Variants in RASA3 observed in about 807,000 individuals in gnomAD.
RASA3 encodes RAS p21 protein activator 3.
Under a neutral mutation model 110.0 loss-of-function variants are expected in RASA3, and 73 were observed. The ratio of observed to expected loss-of-function variants is 0.66; its 90% CI spans 0.55 to 0.81. RASA3 has a LOEUF of 0.81. Ranked by LOEUF, RASA3 falls within the 30% of genes least tolerant of loss-of-function variation. The probability of loss-of-function intolerance (pLI) is 0.00; values close to 1 mark genes in which losing one functional copy is unlikely to be tolerated. For synonymous variants in RASA3, 500 were observed against 451.4 expected, an observed-to-expected ratio of 1.11 and a Z score of -1.37; for missense variants, 976 against 1,113.2, an observed-to-expected ratio of 0.88 and a Z score of 1.75.
rs2079906549 is a variant in RASA3, at chr13:114,093,144, G to T, written c.56-19307C>A. Among the ~76,000 whole-genome samples, 3 of 152,270 alleles carry T rather than the reference G, an allele frequency of 2.0e-5. 1 individual carries two copies. The Middle Eastern group carries it at 0.01, about 518-fold the overall frequency. On this transcript the variant is annotated intron_variant, in intron 1 of 23. Transcript: ENST00000334062. Reference sequence around the variant, plus strand: ...TCTTTCATTCTTCTTACAAAAGATAGAAGTGGTTTACACACCATAATTACA... The same window carrying T: ...TCTTTCATTCTTCTTACAAAAGATATAAGTGGTTTACACACCATAATTACA...
chr13:114,012,323 A>C (rs1478052190), intron 15 of RASA3, among the ~76,000 whole-genome samples: 2 of 151,206 alleles, frequency 1.3e-5, no homozygotes, highest in Admixed American at 1.3e-4. Context: ...CTCCCCACGC[A>C]CCGTCCACAC....
intron 1 of RASA3, among the ~76,000 whole-genome samples, chr13:114,117,738 A>T (rs112460844): frequency 5.8e-5 from 5 of 86,802 alleles, no homozygotes; most frequent in Non-Finnish European, 1.1e-4. Context: ...GTGTGAGGAG[A>T]GCACGTGTGT....
chr13:113,992,180 T>A (rs2053134770), intron 22 of RASA3, among the ~76,000 whole-genome samples: 1 of 152,196 alleles, frequency 6.6e-6, no homozygotes, highest in Non-Finnish European at 1.5e-5. Flanking sequence ...CATGCACTTA[T>A]CCCTCTGGAA....
chr13:114,017,303 G>A lies in RASA3; in HGVS notation c.1140C>T (p.Ile380=), dbSNP rs61749934. 192,570 of 1,613,728 alleles carry A rather than the reference G, an allele frequency of 0.12. 12,849 individuals are homozygous for A. Among genetic ancestry groups the A allele is most frequent in the Middle Eastern group, 0.18 (1,098 of 6,062 alleles). ...TCCCCGCCAGCTTCATGGTCTCGTC[G>A]ATGCACTTGGACGCCAGTGAGTTTC... is the stretch of plus-strand genomic sequence containing the variant. ...FRGNSLASKC[I]DETMKLAGMH... is the part of the protein sequence containing the mutation. Residue 380 remains isoleucine (I), a synonymous_variant, in exon 12 of 24, where the codon ATC becomes ATT. Transcript: ENST00000334062.
chr13:114,046,612 A>C (rs1239665955), intron 3 of RASA3, among the ~76,000 whole-genome samples: 1 of 152,226 alleles, frequency 6.6e-6, no homozygotes, highest in Non-Finnish European at 1.5e-5. Context: ...TTGCCATGGC[A>C]ATGGTAAGGT....
At position 113,981,798 on chromosome 13, in the gene RASA3, A is replaced by G. The variant is rs2052941839; in HGVS notation, c.2306T>C (p.Val769Ala). Residue 769 changes from valine (V) to alanine (A), a missense_variant, in exon 23 of 24, where the codon GTC becomes GCC. This residue lies in a region of RASA3 where 132 missense variants were observed against 152.8 expected (regional missense o/e 0.86). Transcript: ENST00000334062. ...GTAGGTCTCCTGGGGGTCGTCAATGACGAACGTCGAATACTCCTCCTGCTC... is the reference window on the plus strand; with the variant it reads ...GTAGGTCTCCTGGGGGTCGTCAATGGCGAACGTCGAATACTCCTCCTGCTC... The part of the protein sequence containing the change: ...GPEQEEYSTF[V>A]IDDPQETYKT... The G allele has an allele frequency of 6.2e-7, 1 of 1,613,934 alleles. No homozygotes were observed.
At chr13:114,027,367 G>A (rs757691103) in intron 7 of RASA3, 22 bp downstream of exon 7, 5 of 1,574,686 alleles carry the variant, frequency 3.2e-6, no homozygotes, top group Non-Finnish European at 4.4e-6. Context: ...TCCACTTAAC[G>A]TTGACCCATG....
Position 114,027,434 on chromosome 13 carries a change from CTT to C in RASA3, c.556_557del (p.Lys186GlufsTer10). 1 of 1,613,278 alleles carries C rather than the reference CTT, an allele frequency of 6.2e-7. No homozygotes were observed. The highest frequency in any genetic ancestry group is 1.1e-5 in the South Asian group (1 of 91,060). On this transcript the variant is annotated frameshift_variant, in exon 7 of 24. Transcript: ENST00000334062. LOFTEE classifies it high-confidence loss of function. ...CGAACTGGGGATTGTTGGTCTTCCT[CTT>C]CACTTTCGTCTTCTTTGCTTCTGAT... ...FRSEAKKTKVKRKTNNPQFDE... is the reference protein window; with the variant it reads ...FRSEAKKTKVXRKTNNPQFDE...
chr13:114,046,943 A>G (rs1035918743), intron 3 of RASA3, among the ~76,000 whole-genome samples: 5 of 152,240 alleles, frequency 3.3e-5, no homozygotes, highest in African/African-American at 1.2e-4. Context: ...GAAACAGATC[A>G]TGGAACTAAA....
chr13:114,001,143 T>C (rs1377082000), intron 18 of RASA3, among the ~76,000 whole-genome samples: 1 of 152,248 alleles, frequency 6.6e-6, no homozygotes, highest in Non-Finnish European at 1.5e-5. Context: ...GAGTCACCAG[T>C]TGGTGATGGC....
intron 1 of RASA3, among the ~76,000 whole-genome samples, chr13:114,087,949 G>A (rs1234599652): frequency 6.6e-6 from 1 of 152,216 alleles, no homozygotes; most frequent in African/African-American, 2.4e-5. Flanking sequence ...GGCCAACATA[G>A]CGAAACCTCA....
At chr13:114,059,253 C>G (rs1029025147) in intron 2 of RASA3, among the ~76,000 whole-genome samples, 6 of 144,058 alleles carry the variant, frequency 4.2e-5, no homozygotes, top group Non-Finnish European at 6.2e-5. Context: ...GGCCCTCCTG[C>G]ATCTTCACAG....
At chr13:113,996,815 C>T (rs1374869901) in intron 20 of RASA3, 76 bp from the exon 21 acceptor site, 1 of 1,327,058 alleles carries the variant, frequency 7.5e-7, no homozygotes, top group Non-Finnish European at 1.1e-6. Context: ...CACCAGGCAC[C>T]TGGCCGTCCT....
intron 1 of RASA3, among the ~76,000 whole-genome samples, chr13:114,074,074 G>A (rs377700692): frequency 7.6e-4 from 115 of 152,264 alleles, no homozygotes; most frequent in African/African-American, 2.6e-3. Context: ...TGCCAGCCTG[G>A]GACTCAGGAT....
Position 114,057,037 on chromosome 13 carries a change from AC to A in RASA3, c.174-4883del, listed in dbSNP as rs2079257567. The stretch of plus-strand genomic sequence containing the variant: ...GGGTCCCCCCTCCTGAAGAAGGGGA[AC>A]GTCACACTCACAGTTCCATTTTACA... On this transcript the variant is annotated intron_variant, in intron 2 of 23. Transcript: ENST00000334062. This position sits in a 1 kb window ranked among gnomAD's most constrained non-coding sequence, Gnocchi z 5.0. 6.6e-6 allele frequency among the ~76,000 whole-genome samples: 1 copy of A among 152,156 alleles called. No individual in the cohort carries two copies. The highest frequency in any genetic ancestry group is 2.4e-5 in the African/African-American group (1 of 41,448).
intron 2 of RASA3, among the ~76,000 whole-genome samples, chr13:114,070,171 C>CG (rs1430186757): frequency 1.6e-5 from 1 of 63,066 alleles, no homozygotes; most frequent in Non-Finnish European, 3.0e-5. Context: ...TTGGGAGACT[C>CG]GGGGGGCCGG....
intron 1 of RASA3, among the ~76,000 whole-genome samples, chr13:114,091,305 T>C (rs1324836800): frequency 1.3e-5 from 2 of 152,022 alleles, no homozygotes; most frequent in African/African-American, 4.8e-5. Flanking sequence ...CAGATTTCAG[T>C]GGAAAGGTTT....
chr13:113,995,663 CGGAGGACCCAGCTGAT>C (rs1184472067), intron 21 of RASA3, among the ~76,000 whole-genome samples: 18 of 101,582 alleles, frequency 1.8e-4, no homozygotes, highest in African/African-American at 7.7e-4. Context: ...GCCCAGCTGA[CGGAGGACCCAGCTGAT>C]GGGGGCCCGG....
chr13:113,996,798 A>G (rs1165168068), intron 20 of RASA3, 59 bp from the exon 21 acceptor site: 10 of 1,477,882 alleles, frequency 6.8e-6, no homozygotes, highest in Non-Finnish European at 1.9e-6. Context: ...GAGCACGTGC[A>G]AGAGTCCACC....
Sources: gnomAD v4.1 joint callset for allele counts (sites outside exome capture counted in the v4.1 genomes callset) on GRCh38, gnomAD v4.1.1 for gene constraint, gnomAD v4.1.1 regional missense constraint, Gnocchi (gnomAD v3.1) non-coding constraint, MANE v1.5 for transcripts, NCBI Gene and HGNC (gene_info 2026-07-23, HGNC 2026-07-21) for gene names.